The following BCL2 variants were observed in gnomAD, a reference collection of about 807,000 sequenced individuals.
BCL2 encodes BCL2 apoptosis regulator, also known as apoptosis regulator Bcl-2.
In BCL2, 1 loss-of-function variant was observed where a neutral mutation model predicts 14.2. That is an observed-to-expected ratio of 0.07 (90% CI 0.02 to 0.33). The LOEUF is 0.33. Ranked by LOEUF, BCL2 falls within the 10% of genes least tolerant of loss-of-function variation. BCL2 has a pLI of 0.99. For synonymous variants in BCL2, 151 were observed against 137.2 expected (o/e 1.10, Z -0.70); for missense variants, 247 against 305.9 (o/e 0.81, Z 1.44).
intron 2 of BCL2, among the ~76,000 whole-genome samples, chr18:63,200,629 T>C (rs1322195656): frequency 6.6e-6 from 1 of 152,170 alleles, no homozygotes; most frequent in African/African-American, 2.4e-5. Context: ...CTTTATTTTT[T>C]GTTTTGTTTT....
rs1410987140 is a variant in BCL2, at chr18:63,125,537, T to C, written c.*3088A>G. ...CATATACTCTATTTAACTCTGACCC[T>C]GGCCAGTGTAAAGAGGAGTACATAC... On this transcript the variant is annotated 3_prime_UTR_variant, in exon 3 of 3. Transcript: ENST00000333681. 1.4e-5 allele frequency: 3 copies of C among 216,126 alleles called. No homozygotes were observed. Among genetic ancestry groups the C allele is most frequent in the Non-Finnish European group, 2.8e-5 (3 of 107,204 alleles). The allele number at this position is 216,126 out of a possible 1,614,324, so 13.4% of individuals were successfully genotyped here.
At chr18:63,163,663 A>C (rs1052814115) in intron 2 of BCL2, among the ~76,000 whole-genome samples, 3 of 152,248 alleles carry the variant, frequency 2.0e-5, no homozygotes, top group Admixed American at 1.3e-4. Context: ...AATGAAAAAA[A>C]ACACACAACA....
At chr18:63,301,216 G>C (rs1034235258) in intron 2 of BCL2, among the ~76,000 whole-genome samples, 1 of 152,166 alleles carries the variant, frequency 6.6e-6, no homozygotes, top group Non-Finnish European at 1.5e-5. Flanking sequence ...CCTAGGACTG[G>C]GGAGAAAAAG....
chr18:63,152,576 C>T (rs1476148269), intron 2 of BCL2, among the ~76,000 whole-genome samples: 1 of 152,188 alleles, frequency 6.6e-6, no homozygotes, highest in Non-Finnish European at 1.5e-5. Context: ...AATTTTCTAA[C>T]ATTTGTGTAC....
chr18:63,292,909 C>A (rs1912692281), intron 2 of BCL2, among the ~76,000 whole-genome samples: 1 of 152,208 alleles, frequency 6.6e-6, no homozygotes, highest in Non-Finnish European at 1.5e-5. Flanking sequence ...GGTCTGGGCA[C>A]CCTTCCTGCT....
At chr18:63,241,421 T>A (rs1334566168) in intron 2 of BCL2, among the ~76,000 whole-genome samples, 1 of 152,180 alleles carries the variant, frequency 6.6e-6, no homozygotes, top group Non-Finnish European at 1.5e-5. Flanking sequence ...AAGCGAAAAA[T>A]TCTTATCCCA....
intron 2 of BCL2, among the ~76,000 whole-genome samples, chr18:63,153,907 G>A (rs1914712648): frequency 6.6e-6 from 1 of 152,164 alleles, no homozygotes; most frequent in Non-Finnish European, 1.5e-5. Context: ...GCCTGAATGT[G>A]GATTTTGGGA....
At chr18:63,145,982 C>T (rs4987821) in intron 2 of BCL2, among the ~76,000 whole-genome samples, 7,718 of 152,206 alleles carry the variant, frequency 0.051, 299 homozygotes, top group Non-Finnish European at 0.076. Context: ...CTCTCCCCTG[C>T]CTTCACTATA....
chr18:63,248,269 C>T (rs188887388), intron 2 of BCL2, among the ~76,000 whole-genome samples: 226 of 152,330 alleles, frequency 1.5e-3, no homozygotes, highest in African/African-American at 4.9e-3. Context: ...AGGTCCTTCC[C>T]AGTAAAATCT....
chr18:63,127,306 TG>T lies in BCL2; in HGVS notation c.*1318del, dbSNP rs1186402603. On this transcript the variant is annotated 3_prime_UTR_variant, in exon 3 of 3. Coordinates refer to ENST00000333681, the MANE Select transcript of BCL2 (RefSeq NM_000633.3). ...AACGTGCCATGTGCTACAGCCAAAA[TG>T]GGCCGTGGCCATTGCCTCTCCTCAC... is the stretch of plus-strand genomic sequence containing the variant. 1 of 231,608 alleles carries T rather than the reference TG, an allele frequency of 4.3e-6. No individual in the cohort carries two copies. The highest frequency in any genetic ancestry group is 8.5e-6 in the Non-Finnish European group (1 of 117,004). 14.3% of individuals were successfully genotyped at this position (231,608 alleles called of 1,614,324 possible). A position where few individuals can be genotyped will look rare whatever the true frequency, so the allele number is the denominator to read the frequency against.
intron 2 of BCL2, among the ~76,000 whole-genome samples, chr18:63,172,249 A>G (rs1346601580): frequency 2.6e-5 from 4 of 152,200 alleles, no homozygotes; most frequent in South Asian, 2.1e-4. Flanking sequence ...TACTTTTCAC[A>G]TCCTTTCATT....
chr18:63,191,074 TACC>T (rs1190717638), intron 2 of BCL2, among the ~76,000 whole-genome samples: 2 of 152,264 alleles, frequency 1.3e-5, no homozygotes, highest in Non-Finnish European at 2.9e-5. Context: ...GATGTACATG[TACC>T]ACATTTTCTT....
intron 2 of BCL2, among the ~76,000 whole-genome samples, chr18:63,223,745 G>A (rs1910469337): frequency 6.6e-6 from 1 of 152,226 alleles, no homozygotes; most frequent in Admixed American, 6.5e-5. Flanking sequence ...GGAGTTGTTA[G>A]CATTAGGAGT....
At chr18:63,196,555 C>CT (rs375878324) in intron 2 of BCL2, among the ~76,000 whole-genome samples, 14 of 151,562 alleles carry the variant, frequency 9.2e-5, no homozygotes, top group South Asian at 4.2e-4. Context: ...TATGTATGGT[C>CT]TTTTTTTTGG....
chr18:63,125,925 T>C lies in BCL2; in HGVS notation c.*2700A>G, dbSNP rs1913899958. On this transcript the variant is annotated 3_prime_UTR_variant, in exon 3 of 3. Transcript: ENST00000333681. ...CCCGTGACCTCTTAATATATATACA[T>C]TTTTCAAATACTCTGTGAATCCCGT... The C allele has an allele frequency of 1.9e-5, 4 of 211,616 alleles. No individual in the cohort carries two copies. The highest frequency in any genetic ancestry group is 7.0e-5 in the East Asian group (1 of 14,268). 13.1% of individuals were successfully genotyped at this position (211,616 alleles called of 1,614,324 possible).
At chr18:63,198,447 C>CAG in intron 2 of BCL2, among the ~76,000 whole-genome samples, 1 of 149,292 alleles carries the variant, frequency 6.7e-6, no homozygotes, top group South Asian at 2.1e-4. Context: ...CACTGACACA[C>CAG]AGACACAGAG....
intron 2 of BCL2, among the ~76,000 whole-genome samples, chr18:63,274,058 T>C (rs148046927): frequency 1.3e-5 from 2 of 152,254 alleles, no homozygotes; most frequent in East Asian, 1.9e-4. Context: ...ACTTCCTCAA[T>C]CCTCATTCTT....
At chr18:63,129,758 G>C (rs1914015990) in intron 2 of BCL2, among the ~76,000 whole-genome samples, 1 of 152,214 alleles carries the variant, frequency 6.6e-6, no homozygotes, top group Admixed American at 6.5e-5. Context: ...GCAGCTCTAT[G>C]AGAGCATTTG....
chr18:63,212,321 C>G (rs1910047515), intron 2 of BCL2, among the ~76,000 whole-genome samples: 1 of 151,454 alleles, frequency 6.6e-6, no homozygotes. Context: ...GAGCGAGACT[C>G]TGTCTCAAAC....
Sources: allele counts gnomAD v4.1 joint callset (sites outside exome capture counted in the v4.1 genomes callset), GRCh38; gene constraint gnomAD v4.1.1; transcripts MANE v1.5; gene names NCBI Gene and HGNC (gene_info 2026-07-23, HGNC 2026-07-21).